Variants in CPD observed in about 807,000 individuals in gnomAD.
CPD encodes the protein metallocarboxypeptidase D.
In CPD, 69 loss-of-function variants were observed where a neutral mutation model predicts 138.3. The ratio of observed to expected loss-of-function variants is 0.50; its 90% CI spans 0.41 to 0.61. The LOEUF is 0.61. CPD is among the 20% of genes least tolerant of loss of function. The probability of loss-of-function intolerance (pLI) is 0.00; values close to 1 mark genes in which losing one functional copy is unlikely to be tolerated. For synonymous variants in CPD, 651 were observed against 642.1 expected, an observed-to-expected ratio of 1.01 and a Z score of -0.21; for missense variants, 1,432 against 1,733.3, an observed-to-expected ratio of 0.83 and a Z score of 3.09.
At chr17:30,409,351 A>G (rs1444736508) in intron 2 of CPD, among the ~76,000 whole-genome samples, 1 of 128,908 alleles carries the variant, frequency 7.8e-6, no homozygotes, top group Non-Finnish European at 1.8e-5. Context: ...GGCTTTGGTT[A>G]TCAGGATGAT....
At chr17:30,455,255 G>A (rs1913263869) in intron 14 of CPD, 84 bp from the exon 15 acceptor site, 2 of 1,121,830 alleles carry the variant, frequency 1.8e-6, no homozygotes, top group East Asian at 2.5e-5. Context: ...CATTTTGATT[G>A]TATTCAAGTA....
At chr17:30,406,651 A>C (rs1449440024) in intron 2 of CPD, among the ~76,000 whole-genome samples, 2 of 152,088 alleles carry the variant, frequency 1.3e-5, no homozygotes, top group Admixed American at 1.3e-4. Context: ...GAATGCTAGG[A>C]CTCAAGCCTG....
intron 2 of CPD, among the ~76,000 whole-genome samples, chr17:30,398,973 T>G (rs1952197961): frequency 6.6e-6 from 1 of 151,938 alleles, no homozygotes; most frequent in Admixed American, 6.5e-5. Context: ...AAAATTAGTT[T>G]GCTACTCTTC....
At chr17:30,443,378 T>G (rs1355205822) in intron 10 of CPD, among the ~76,000 whole-genome samples, 1 of 152,204 alleles carries the variant, frequency 6.6e-6, no homozygotes, top group Non-Finnish European at 1.5e-5. Context: ...CCCCAAAATG[T>G]AATTTTACAG....
At position 30,416,831 on chromosome 17, in the gene CPD, G is replaced by T. The variant is rs774499340; in HGVS notation, c.995-4010G>T. Among the ~76,000 whole-genome samples the T allele has an allele frequency of 3.5e-4, 53 of 152,070 alleles. 1 individual carries two copies. The highest frequency in any genetic ancestry group is 7.4e-5 in the Non-Finnish European group (5 of 68,018). On this transcript the variant is annotated intron_variant, in intron 2 of 20. Transcript: ENST00000225719. ...TACTTAAATTTTCTAGGCCGGGCGC[G>T]GTGGCTCACGCCTGTAATCCCAGCA...
At position 30,435,433 on chromosome 17, in the gene CPD, T is replaced by C. The variant is rs1912673815; in HGVS notation, c.2128-3542T>C. On this transcript the variant is annotated intron_variant, in intron 8 of 20. Transcript: ENST00000225719. ...GCAAAGAATAGATTTTTTAAATAAATGGTGCTGGGACAATTGGATATTTAT... is the reference window on the plus strand; with the variant it reads ...GCAAAGAATAGATTTTTTAAATAAACGGTGCTGGGACAATTGGATATTTAT... Among the ~76,000 whole-genome samples the C allele has an allele frequency of 2.0e-5, 3 of 152,062 alleles. No homozygotes were observed. In the South Asian group the frequency reaches 6.2e-4, roughly 31 times the overall value.
chr17:30,463,872 C>G (rs1401266840), intron 20 of CPD, among the ~76,000 whole-genome samples: 1 of 152,074 alleles, frequency 6.6e-6, no homozygotes, highest in Non-Finnish European at 1.5e-5. Flanking sequence ...GCTCTGTCAC[C>G]CATTAGCTAT....
At chr17:30,430,993 G>A (rs1364585878) in intron 7 of CPD, among the ~76,000 whole-genome samples, 1 of 152,122 alleles carries the variant, frequency 6.6e-6, no homozygotes, top group Non-Finnish European at 1.5e-5. Flanking sequence ...ACTTAGGAGT[G>A]AAATTGTCAT....
At chr17:30,445,134 A>G (rs1416411917) in intron 11 of CPD, among the ~76,000 whole-genome samples, 2 of 152,136 alleles carry the variant, frequency 1.3e-5, no homozygotes, top group Non-Finnish European at 2.9e-5. Context: ...AGTATCCACT[A>G]CAAGCACTAA....
At chr17:30,452,955 A>G (rs934154280) in intron 14 of CPD, among the ~76,000 whole-genome samples, 5 of 151,854 alleles carry the variant, frequency 3.3e-5, no homozygotes, top group African/African-American at 1.2e-4. Flanking sequence ...AGACTTATTC[A>G]CTATCACAAG....
At chr17:30,408,461 T>C (rs575352323) in intron 2 of CPD, among the ~76,000 whole-genome samples, 1 of 152,322 alleles carries the variant, frequency 6.6e-6, no homozygotes, top group Admixed American at 6.5e-5. Flanking sequence ...CTTCCATTTG[T>C]TTGTGTCTTC....
intron 10 of CPD, among the ~76,000 whole-genome samples, chr17:30,443,598 A>G (rs1013578736): frequency 1.3e-5 from 2 of 152,196 alleles, no homozygotes; most frequent in African/African-American, 4.8e-5. Context: ...TATATTCTTC[A>G]TGATAAAGAG....
chr17:30,462,422 A>G lies in CPD; in HGVS notation c.3869A>G (p.Asp1290Gly), dbSNP rs757145522. ...ASSVVIVFDT[D>G]NRIFGLPREL... ...TCTGTGGTGATAGTCTTTGACACAGATAACCGGATATTTGGTTTGCCAAGG... is the reference window on the plus strand; with the variant it reads ...TCTGTGGTGATAGTCTTTGACACAGGTAACCGGATATTTGGTTTGCCAAGG... The change falls in exon 20 of 21, where the codon GAT becomes GGT. Residue 1290 changes from aspartate to glycine, a missense_variant. Coordinates refer to ENST00000225719, the MANE Select transcript of CPD (RefSeq NM_001304.5). The G allele has an allele frequency of 6.2e-7, 1 of 1,614,048 alleles. No individual in the cohort carries two copies. Among genetic ancestry groups the G allele is most frequent in the Non-Finnish European group, 8.5e-7 (1 of 1,179,924 alleles).
At chr17:30,413,390 A>C (rs1912018629) in intron 2 of CPD, among the ~76,000 whole-genome samples, 1 of 152,206 alleles carries the variant, frequency 6.6e-6, no homozygotes, top group Non-Finnish European at 1.5e-5. Flanking sequence ...AGAGAAAGCT[A>C]AAAGATTGCC....
At chr17:30,399,947 T>A (rs771172526) in intron 2 of CPD, among the ~76,000 whole-genome samples, 1 of 152,162 alleles carries the variant, frequency 6.6e-6, no homozygotes, top group Non-Finnish European at 1.5e-5. Context: ...GCCGAGATTG[T>A]ACCACTGCAC....
rs527539910 is a variant in CPD at position 30,427,019 on chromosome 17, A to G, written c.1850-372A>G. 9.2e-5 allele frequency among the ~76,000 whole-genome samples: 14 copies of G among 152,174 alleles called. 1 individual carries two copies. The highest frequency in any genetic ancestry group is 5.2e-4 in the Admixed American group (8 of 15,290). ...AACATGGTGAAACCCCATCTCTACT[A>G]ATAAATACAAAAATTAGCTGGGCAT... is the stretch of plus-strand genomic sequence containing the variant. On this transcript the variant is annotated intron_variant, in intron 6 of 20. Transcript: ENST00000225719.
Position 30,461,214 on chromosome 17 carries a change from T to C in CPD, c.3533T>C (p.Ile1178Thr), listed in dbSNP as rs1409518452. 6.2e-7 allele frequency: 1 copy of C among 1,609,386 alleles called. No individual in the cohort carries two copies. The highest frequency in any genetic ancestry group is 8.5e-7 in the Non-Finnish European group (1 of 1,178,122). The change falls in exon 18 of 21, where the codon ATC (isoleucine) becomes ACC (threonine). Residue 1178 changes from isoleucine (I) to threonine (T), a missense_variant. Coordinates refer to ENST00000225719, the MANE Select transcript of CPD (RefSeq NM_001304.5). ...YSVTYGHCPE[I>T]TVYTSCCYFP... ...GTCACCTATGGCCATTGTCCGGAAA[T>C]CACAGTATACACAAGCTGCTGTTAC...
chr17:30,415,209 C>T (rs147179548), intron 2 of CPD, among the ~76,000 whole-genome samples: 2 of 152,296 alleles, frequency 1.3e-5, no homozygotes, highest in African/African-American at 2.4e-5. Context: ...TCTCCACTAC[C>T]ACCAACCTAG....
intron 2 of CPD, among the ~76,000 whole-genome samples, chr17:30,387,005 G>A (rs1208621615): frequency 6.6e-6 from 1 of 152,138 alleles, no homozygotes; most frequent in East Asian, 1.9e-4. Flanking sequence ...GTAATTCTAT[G>A]TTTAGCTTTG....
Sources: gnomAD v4.1 joint callset for allele counts (sites outside exome capture counted in the v4.1 genomes callset) on GRCh38, gnomAD v4.1.1 for gene constraint, MANE v1.5 for transcripts, NCBI Gene and HGNC (gene_info 2026-07-23, HGNC 2026-07-21) for gene names.